The following WDR70 variants were observed in gnomAD, a reference collection of about 807,000 sequenced individuals.
WDR70 encodes the protein WD repeat-containing protein 70.
A neutral mutation model predicts 88.6 loss-of-function variants in WDR70; 53 were observed. The observed-to-expected ratio is 0.60, with a 90% CI of 0.48 to 0.75. WDR70 has a LOEUF of 0.75. Among genes scored for constraint, WDR70 ranks in the 30% least tolerant of loss-of-function variants. The pLI is 0.00. For missense variants in WDR70, 610 were observed against 823.2 expected (o/e 0.74, Z 3.17); for synonymous variants, 280 against 270.0 (o/e 1.04, Z -0.36).
intron 10 of WDR70, among the ~76,000 whole-genome samples, chr5:37,695,707 A>G: frequency 6.6e-6 from 1 of 152,150 alleles, no homozygotes. Context: ...TCGGCACTGT[A>G]GCTCATGCAA....
In WDR70 at chr5:37,605,047, C is replaced by T; in HGVS notation, c.918-17C>T. ...TTTTTTTTTTAAATAAATGAAAAAT[C>T]TCCTGATCATTTTTAGGACTGTGAG... is the stretch of plus-strand genomic sequence containing the variant. On this transcript the variant is annotated splice_polypyrimidine_tract_variant and intron_variant, in intron 9 of 17. Coordinates refer to ENST00000265107, the MANE Select transcript of WDR70 (RefSeq NM_018034.4). 5 of 1,547,492 alleles carry T rather than the reference C, an allele frequency of 3.2e-6. No individual in the cohort carries two copies. Among genetic ancestry groups the T allele is most frequent in the Non-Finnish European group, 4.4e-6 (5 of 1,149,306 alleles).
At chr5:37,409,759 G>A (rs1749465768) in intron 5 of WDR70, among the ~76,000 whole-genome samples, 2 of 151,980 alleles carry the variant, frequency 1.3e-5, no homozygotes, top group African/African-American at 4.8e-5. Flanking sequence ...ACCCACCTCG[G>A]CCTCCCAAAG....
At chr5:37,634,506 G>A (rs532130950) in intron 10 of WDR70, among the ~76,000 whole-genome samples, 5 of 152,058 alleles carry the variant, frequency 3.3e-5, no homozygotes, top group South Asian at 2.1e-4. Flanking sequence ...TTGGAGTGGC[G>A]TGATATGGAG....
chr5:37,720,934 G>T (rs1382918207), intron 13 of WDR70, among the ~76,000 whole-genome samples, 181 bp from the exon 14 acceptor site: 1 of 152,174 alleles, frequency 6.6e-6, no homozygotes, highest in African/African-American at 2.4e-5. Flanking sequence ...CAGATAATAA[G>T]TGATGGAATG....
rs539276099 is a variant in WDR70, at chr5:37,706,622, C to T, written c.1416+3535C>T. Among the ~76,000 whole-genome samples, 7 of 152,210 alleles carry T rather than the reference C, an allele frequency of 4.6e-5. No homozygotes were observed. The South Asian group carries it at 1.5e-3, about 32-fold the overall frequency. On this transcript the variant is annotated intron_variant, in intron 13 of 17. Transcript: ENST00000265107. ...TTCCACCATGATTGTAAGGCCTCCC[C>T]AGCCATGTGGAACTGCGAGTCAATT...
chr5:37,607,399 A>G (rs1744063278), intron 10 of WDR70, among the ~76,000 whole-genome samples: 1 of 152,180 alleles, frequency 6.6e-6, no homozygotes. Context: ...GTATTTTGTG[A>G]TGATTAAGTA....
intron 7 of WDR70, among the ~76,000 whole-genome samples, chr5:37,475,843 A>AT (rs35126157): frequency 0.83 from 99,739 of 120,592 alleles, 44,690 homozygotes; most frequent in Non-Finnish European, 0.98. Flanking sequence ...TGCATTACAT[A>AT]TTTTTTTTTT....
Position 37,533,457 on chromosome 5 carries a change from TCACCACCACCACCAC to T in WDR70, c.917+16898_917+16912del, listed in dbSNP as rs35578229. ...AAACAACAACAAAACAACAAAACAA[TCACCACCACCACCAC>T]CACCACCACCACCACCACCACCACC... On this transcript the variant is annotated intron_variant, in intron 9 of 17. Transcript: ENST00000265107. Among the ~76,000 whole-genome samples, 33 of 141,276 alleles carry T rather than the reference TCACCACCACCACCAC, an allele frequency of 2.3e-4. No individual in the cohort carries two copies. In the East Asian group the frequency reaches 2.5e-3, roughly 11 times the overall value. The allele number at this position is 141,276 out of a possible 152,430, so 92.7% of individuals were successfully genotyped here.
At chr5:37,659,849 C>G (rs895972617) in intron 10 of WDR70, among the ~76,000 whole-genome samples, 1 of 152,150 alleles carries the variant, frequency 6.6e-6, no homozygotes, top group Non-Finnish European at 1.5e-5. Flanking sequence ...ACCTAATTAC[C>G]TCCAAAAGGC....
At chr5:37,415,227 C>G (rs1246558027) in intron 5 of WDR70, among the ~76,000 whole-genome samples, 1 of 152,048 alleles carries the variant, frequency 6.6e-6, no homozygotes, top group Non-Finnish European at 1.5e-5. Context: ...AATCTTTTCC[C>G]CACCTTTCCC....
chr5:37,517,878 A>G (rs1163144338), intron 9 of WDR70, among the ~76,000 whole-genome samples: 2 of 147,114 alleles, frequency 1.4e-5, no homozygotes, highest in Admixed American at 6.8e-5. Flanking sequence ...ATTATATTAT[A>G]TATTATTTAT....
chr5:37,478,253 A>G (rs999402436), intron 7 of WDR70, among the ~76,000 whole-genome samples: 1 of 152,136 alleles, frequency 6.6e-6, no homozygotes. Context: ...ACTTCTCTGT[A>G]CTTCACAAAT....
chr5:37,444,169 AAAAC>A (rs1738384436), intron 7 of WDR70, among the ~76,000 whole-genome samples: 2 of 152,008 alleles, frequency 1.3e-5, no homozygotes, highest in African/African-American at 4.8e-5. Flanking sequence ...AATTAAAAAA[AAAAC>A]AAAACTTTGT....
At chr5:37,678,862 G>C (rs1185995374) in intron 10 of WDR70, among the ~76,000 whole-genome samples, 1 of 152,194 alleles carries the variant, frequency 6.6e-6, no homozygotes, top group East Asian at 1.9e-4. Context: ...GTCACTTTCA[G>C]GTACACCAAT....
intron 10 of WDR70, among the ~76,000 whole-genome samples, chr5:37,659,403 T>A (rs1745639978): frequency 6.6e-6 from 1 of 152,194 alleles, no homozygotes; most frequent in South Asian, 2.1e-4. Context: ...ATTTTGTTCC[T>A]GTTTTTCTAT....
chr5:37,661,823 A>G (rs1023722992), intron 10 of WDR70, among the ~76,000 whole-genome samples: 1 of 152,184 alleles, frequency 6.6e-6, no homozygotes, highest in African/African-American at 2.4e-5. Flanking sequence ...TAGTGATGTT[A>G]TTCATAGTAA....
chr5:37,601,360 C>G (rs1379054696), intron 9 of WDR70, among the ~76,000 whole-genome samples: 1 of 152,152 alleles, frequency 6.6e-6, no homozygotes, highest in Non-Finnish European at 1.5e-5. Context: ...CCTTGCATAC[C>G]TGGGATAAAT....
chr5:37,741,104 T>C (rs530653218), intron 17 of WDR70, among the ~76,000 whole-genome samples: 1 of 152,158 alleles, frequency 6.6e-6, no homozygotes. Context: ...TGGCCCTCCA[T>C]CACAGATGGT....
chr5:37,648,387 C>T (rs1745299942), intron 10 of WDR70, among the ~76,000 whole-genome samples: 1 of 152,074 alleles, frequency 6.6e-6, no homozygotes, highest in African/African-American at 2.4e-5. Flanking sequence ...TGCCAAATAT[C>T]CTACTGTTTT....
Sources: gnomAD v4.1 joint callset for allele counts (sites outside exome capture counted in the v4.1 genomes callset) on GRCh38, gnomAD v4.1.1 for gene constraint, MANE v1.5 for transcripts, NCBI Gene and HGNC (gene_info 2026-07-23, HGNC 2026-07-21) for gene names.